The following MYCBP2 variants were observed in gnomAD, a reference collection of about 807,000 sequenced individuals.
MYCBP2 encodes MYC binding protein 2.
A neutral mutation model predicts 525.3 loss-of-function variants in MYCBP2; 120 were observed. The ratio of observed to expected loss-of-function variants is 0.23; its 90% CI spans 0.20 to 0.27. MYCBP2 has a LOEUF of 0.27. MYCBP2 is among the 10% of genes least tolerant of loss of function. The pLI is 1.00. For synonymous variants in MYCBP2, 1,894 were observed against 1,955.8 expected (o/e 0.97, Z 0.83); for missense variants, 4,149 against 5,657.1 (o/e 0.73, Z 8.55).
chr13:77,321,986 C>A (rs796665889), intron 1 of MYCBP2, among the ~76,000 whole-genome samples: 2 of 152,038 alleles, frequency 1.3e-5, no homozygotes, highest in Admixed American at 6.6e-5. Context: ...CATGGTGAGA[C>A]CCTGTGTCTA....
intron 55 of MYCBP2, among the ~76,000 whole-genome samples, chr13:77,108,059 G>T (rs1330365485): frequency 6.6e-6 from 1 of 152,062 alleles, no homozygotes; most frequent in Non-Finnish European, 1.5e-5. Flanking sequence ...TATACTAAAA[G>T]AATCATGCTA....
chr13:77,270,235 G>A, intron 6 of MYCBP2, 61 bp downstream of exon 6: 1 of 1,529,342 alleles, frequency 6.5e-7, no homozygotes, highest in South Asian at 1.3e-5. Context: ...GAAACACACA[G>A]AACACAATTC....
At chr13:77,225,135 A>G (rs992690905) in intron 19 of MYCBP2, among the ~76,000 whole-genome samples, 1 of 152,204 alleles carries the variant, frequency 6.6e-6, no homozygotes, top group African/African-American at 2.4e-5. Flanking sequence ...CAAAAACCAC[A>G]GCATTCTAGA....
intron 11 of MYCBP2, 118 bp from the exon 12 acceptor site, chr13:77,261,493 A>C (rs1241918178): frequency 1.2e-6 from 1 of 800,480 alleles, no homozygotes; most frequent in Admixed American, 3.0e-5. Flanking sequence ...ACATAAAAAC[A>C]AACTCTTTTT....
At chr13:77,263,467 T>G (rs1455310508) in intron 10 of MYCBP2, among the ~76,000 whole-genome samples, 184 bp downstream of exon 10, 1 of 152,050 alleles carries the variant, frequency 6.6e-6, no homozygotes, top group Non-Finnish European at 1.5e-5. Flanking sequence ...CATACTTTGT[T>G]TAAAGACTGT....
At chr13:77,119,633 A>G (rs977677101) in intron 55 of MYCBP2, among the ~76,000 whole-genome samples, 1 of 152,214 alleles carries the variant, frequency 6.6e-6, no homozygotes, top group Admixed American at 6.5e-5. Flanking sequence ...AAAGTTAGAT[A>G]TATTTCATCA....
chr13:77,268,801 T>C (rs1405997502), intron 7 of MYCBP2, among the ~76,000 whole-genome samples: 1 of 152,106 alleles, frequency 6.6e-6, no homozygotes, highest in East Asian at 1.9e-4. Flanking sequence ...AAAAATTTAA[T>C]TTCAAATTCT....
chr13:77,248,521 G>C (rs776687946), intron 15 of MYCBP2, among the ~76,000 whole-genome samples: 2 of 152,094 alleles, frequency 1.3e-5, no homozygotes, highest in Non-Finnish European at 1.5e-5. Flanking sequence ...GAAAGATGCT[G>C]AACATCACTA....
At position 77,243,965 on chromosome 13, in the gene MYCBP2, C is replaced by CAAAAAAAAAA. The variant is rs35429706; in HGVS notation, c.2382-24_2382-15dup. ...CAACCACAGATCCTAGGGGGAAATA[C>CAAAAAAAAAA]AAAAAAAAAAAAAAAAGACAACTGA... On this transcript the variant is annotated splice_polypyrimidine_tract_variant and intron_variant, in intron 15 of 82. Transcript: ENST00000544440. 4 of 1,192,174 alleles carry CAAAAAAAAAA rather than the reference C, an allele frequency of 3.4e-6. No homozygotes were observed. The highest frequency in any genetic ancestry group is 4.3e-5 in the Admixed American group (1 of 23,108). 73.8% of individuals were successfully genotyped at this position (1,192,174 alleles called of 1,614,324 possible).
At chr13:77,220,819 G>A (rs2065442322) in intron 20 of MYCBP2, among the ~76,000 whole-genome samples, 1 of 152,164 alleles carries the variant, frequency 6.6e-6, no homozygotes, top group Non-Finnish European at 1.5e-5. Flanking sequence ...GGGTAACTGA[G>A]TGCTTAAGAC....
chr13:77,131,229 C>T (rs1433297617), intron 52 of MYCBP2, among the ~76,000 whole-genome samples: 1 of 152,070 alleles, frequency 6.6e-6, no homozygotes, highest in Non-Finnish European at 1.5e-5. Context: ...ATAAAATATA[C>T]TTGAATAGCT....
At chr13:77,125,258 C>T in intron 54 of MYCBP2, 78 bp downstream of exon 54, 1 of 1,504,088 alleles carries the variant, frequency 6.6e-7, no homozygotes, top group Non-Finnish European at 9.0e-7. Flanking sequence ...CTCTTTAAAA[C>T]AAAAGCAATA....
intron 48 of MYCBP2, 138 bp downstream of exon 48, chr13:77,146,024 A>G (rs74098706): frequency 0.054 from 28,207 of 525,760 alleles, 1,120 homozygotes; most frequent in African/African-American, 0.15. Flanking sequence ...ACATTATTAT[A>G]TGACATCTCT....
intron 55 of MYCBP2, among the ~76,000 whole-genome samples, chr13:77,117,116 T>G (rs1181874983): frequency 6.6e-6 from 1 of 152,072 alleles, no homozygotes; most frequent in African/African-American, 2.4e-5. Flanking sequence ...GTAAAAAGTC[T>G]GATGCAACAC....
chr13:77,063,582 G>C (rs116529824), intron 73 of MYCBP2, among the ~76,000 whole-genome samples: 1,156 of 100,388 alleles, frequency 0.012, 14 homozygotes, highest in African/African-American at 0.04. Context: ...AAAAAAAAAA[G>C]ACAACTGTTT....
chr13:77,272,562 C>A (rs1055376301), intron 5 of MYCBP2, among the ~76,000 whole-genome samples: 11 of 151,960 alleles, frequency 7.2e-5, no homozygotes, highest in African/African-American at 2.2e-4. Flanking sequence ...ATTTGCCAAA[C>A]CCTGAAAGCA....
chr13:77,092,962 T>C (rs1462852475), intron 59 of MYCBP2, among the ~76,000 whole-genome samples: 2 of 152,202 alleles, frequency 1.3e-5, no homozygotes, highest in Non-Finnish European at 2.9e-5. Context: ...CCTTCACTAG[T>C]TGATCTCTTC....
At chr13:77,204,719 T>TA (rs1208035655) in intron 26 of MYCBP2, among the ~76,000 whole-genome samples, 1 of 128,142 alleles carries the variant, frequency 7.8e-6, no homozygotes, top group Non-Finnish European at 1.6e-5. Context: ...TATGCAGCCA[T>TA]AAAAAATGAT....
intron 2 of MYCBP2, among the ~76,000 whole-genome samples, chr13:77,296,291 T>A (rs2078179843): frequency 6.6e-6 from 1 of 151,860 alleles, no homozygotes. Context: ...GTGGTGGCAT[T>A]TACTTGTAGT....
Sources: allele counts gnomAD v4.1 joint callset (sites outside exome capture counted in the v4.1 genomes callset), GRCh38; gene constraint gnomAD v4.1.1; transcripts MANE v1.5; gene names NCBI Gene and HGNC (gene_info 2026-07-23, HGNC 2026-07-21).